The following HS3ST5 variants were observed in gnomAD, a reference collection of about 807,000 sequenced individuals.
HS3ST5 encodes the protein heparan sulfate-glucosamine 3-sulfotransferase 5, also known as heparan sulfate glucosamine 3-O-sulfotransferase 5.
Under a neutral mutation model 25.4 loss-of-function variants are expected in HS3ST5, and 10 were observed. The observed-to-expected ratio is 0.39, with a 90% CI of 0.24 to 0.67. The LOEUF (loss-of-function observed/expected upper bound fraction) is 0.67, where lower values mean the gene tolerates loss of function less well. Ranked by LOEUF, HS3ST5 falls within the 30% of genes least tolerant of loss-of-function variation. The probability of loss-of-function intolerance (pLI) is 0.44; values close to 1 mark genes in which losing one functional copy is unlikely to be tolerated. For missense variants in HS3ST5, 324 were observed against 420.7 expected (o/e 0.77, Z 2.01); for synonymous variants, 170 against 162.4 (o/e 1.05, Z -0.36).
intron 3 of HS3ST5, among the ~76,000 whole-genome samples, chr6:114,083,140 G>A (rs527595777): frequency 6.6e-6 from 1 of 152,290 alleles, no homozygotes; most frequent in Non-Finnish European, 1.5e-5. Context: ...AGAGGTGATG[G>A]TGGTTTAAAG....
intron 2 of HS3ST5, among the ~76,000 whole-genome samples, chr6:114,220,475 C>G (rs1221348099): frequency 6.6e-6 from 1 of 151,982 alleles, no homozygotes; most frequent in Non-Finnish European, 1.5e-5. Flanking sequence ...CTCTGTATCA[C>G]TTCCTAAGGA....
chr6:114,208,051 C>T (rs114443358), intron 2 of HS3ST5, among the ~76,000 whole-genome samples: 74 of 152,226 alleles, frequency 4.9e-4, no homozygotes, highest in African/African-American at 1.2e-3. Context: ...AAATACTTCA[C>T]GGTTAACCAA....
intron 1 of HS3ST5, among the ~76,000 whole-genome samples, chr6:114,328,648 A>G (rs1250674663): frequency 2.0e-5 from 3 of 152,246 alleles, no homozygotes; most frequent in Non-Finnish European, 4.4e-5. Context: ...GTGTTAGCAA[A>G]GTCACCTCTC....
chr6:114,335,776 T>C (rs1295425025), intron 1 of HS3ST5, among the ~76,000 whole-genome samples: 1 of 152,028 alleles, frequency 6.6e-6, no homozygotes, highest in Non-Finnish European at 1.5e-5. Context: ...TGCATCAGCC[T>C]CCTGAGTAGC....
At chr6:114,329,937 G>A (rs1324241905) in intron 1 of HS3ST5, among the ~76,000 whole-genome samples, 1 of 152,124 alleles carries the variant, frequency 6.6e-6, no homozygotes, top group African/African-American at 2.4e-5. Flanking sequence ...TGGAAATAAT[G>A]ACAAAAAGTA....
At chr6:114,340,918 T>G (rs764582043) in intron 1 of HS3ST5, among the ~76,000 whole-genome samples, 1 of 151,870 alleles carries the variant, frequency 6.6e-6, no homozygotes, top group Non-Finnish European at 1.5e-5. Flanking sequence ...AGCAAATCAG[T>G]TTAGAAAGGA....
intron 2 of HS3ST5, chr6:114,220,683 T>C (rs1041075676): frequency 6.6e-6 from 1 of 151,958 alleles, no homozygotes; most frequent in East Asian, 1.9e-4. Context: ...GAAAAAAAAA[T>C]CTCCAGAGAT....
In HS3ST5 at chr6:114,341,175, G is replaced by GGAGAGGGAGAGA. The variant is rs1259779598; in HGVS notation, c.-339+1019_-339+1020insTCTCTCCCTCTC. Among the ~76,000 whole-genome samples the GGAGAGGGAGAGA allele has an allele frequency of 6.5e-4, 37 of 57,092 alleles. 1 individual carries two copies. Among genetic ancestry groups the GGAGAGGGAGAGA allele is most frequent in the African/African-American group, 2.5e-3 (36 of 14,398 alleles). 37.5% of individuals were successfully genotyped at this position (57,092 alleles called of 152,430 possible). ...AGGGGGAGAGAGGGGAGGGAGGGAGGGAGAGGGAGAGGGAGAGGGAGAGGG... is the reference window on the plus strand; with the variant it reads ...AGGGGGAGAGAGGGGAGGGAGGGAGGGAGAGGGAGAGAGAGAGGGAGAGGGAGAGGGAGAGGG... On this transcript the variant is annotated intron_variant, in intron 1 of 4. Coordinates refer to ENST00000312719, the MANE Select transcript of HS3ST5 (RefSeq NM_153612.4).
intron 3 of HS3ST5, among the ~76,000 whole-genome samples, chr6:114,148,392 G>A (rs1345652851): frequency 6.6e-6 from 1 of 152,194 alleles, no homozygotes; most frequent in Admixed American, 6.5e-5. Context: ...GCCAAGGCGG[G>A]TGGATCACCT....
intron 1 of HS3ST5, among the ~76,000 whole-genome samples, chr6:114,312,100 T>C (rs537153472): frequency 1.1e-4 from 17 of 152,350 alleles, no homozygotes; most frequent in African/African-American, 4.1e-4. Flanking sequence ...AACTAATACA[T>C]ATATTTAGAC....
Position 114,267,926 on chromosome 6 carries a change from T to C in HS3ST5, c.-338-39148A>G, listed in dbSNP as rs573035878. On this transcript the variant is annotated intron_variant, in intron 1 of 4. Transcript: ENST00000312719. Reference sequence around the variant, plus strand: ...CTAGTTCTCATGATCCAAGTATCTATGGACACACTTAATGATTACAAAAAA... The same window carrying C: ...CTAGTTCTCATGATCCAAGTATCTACGGACACACTTAATGATTACAAAAAA... 4.6e-5 allele frequency among the ~76,000 whole-genome samples: 7 copies of C among 152,358 alleles called. No homozygotes were observed. The South Asian group carries it at 1.4e-3, about 32-fold the overall frequency.
At chr6:114,239,054 T>C (rs1771986258) in intron 1 of HS3ST5, 1 of 152,218 alleles carries the variant, frequency 6.6e-6, no homozygotes, top group Non-Finnish European at 1.5e-5. Flanking sequence ...CATAAAGAAA[T>C]GCTGAAGGTA....
intron 2 of HS3ST5, among the ~76,000 whole-genome samples, chr6:114,194,177 A>T (rs999300169): frequency 1.3e-5 from 2 of 152,234 alleles, no homozygotes; most frequent in Admixed American, 1.3e-4. Context: ...TTGAACACAG[A>T]TATCTTTTGC....
intron 3 of HS3ST5, among the ~76,000 whole-genome samples, chr6:114,104,595 G>T (rs142609915): frequency 7.2e-5 from 11 of 152,300 alleles, no homozygotes; most frequent in African/African-American, 2.4e-4. Context: ...GTTGTGTTCA[G>T]CAACATGTCG....
intron 1 of HS3ST5, among the ~76,000 whole-genome samples, chr6:114,332,688 A>T (rs997884675): frequency 3.9e-5 from 6 of 152,126 alleles, no homozygotes; most frequent in African/African-American, 1.4e-4. Flanking sequence ...TTAACTCAAT[A>T]GAGTATGATC....
chr6:114,318,635 G>T (rs1272902204), intron 1 of HS3ST5, among the ~76,000 whole-genome samples: 1 of 151,954 alleles, frequency 6.6e-6, no homozygotes, highest in Non-Finnish European at 1.5e-5. Flanking sequence ...TCTCCCTCTT[G>T]CAGGTTATAC....
At chr6:114,146,052 A>AG (rs1350853732) in intron 3 of HS3ST5, among the ~76,000 whole-genome samples, 1 of 152,212 alleles carries the variant, frequency 6.6e-6, no homozygotes, top group African/African-American at 2.4e-5. Context: ...ATAGAAAAAA[A>AG]TAGTCTGATT....
At chr6:114,084,734 C>G in intron 3 of HS3ST5, 1 of 975,280 alleles carries the variant, frequency 1.0e-6, no homozygotes, top group Admixed American at 1.7e-5. Flanking sequence ...AGTGAAGGTT[C>G]CAGGCGTGAA....
chr6:114,105,063 A>G (rs983069151), intron 3 of HS3ST5, among the ~76,000 whole-genome samples: 2 of 152,212 alleles, frequency 1.3e-5, no homozygotes, highest in Non-Finnish European at 2.9e-5. Context: ...AGCTGTCAAT[A>G]GAACCACTGA....
Sources: gnomAD v4.1 joint callset for allele counts (sites outside exome capture counted in the v4.1 genomes callset) on GRCh38, gnomAD v4.1.1 for gene constraint, MANE v1.5 for transcripts, NCBI Gene and HGNC (gene_info 2026-07-23, HGNC 2026-07-21) for gene names.